The following DLGAP5 variants were observed in gnomAD, a reference collection of about 807,000 sequenced individuals.
DLGAP5 encodes the protein disks large-associated protein 5.
DLGAP5 carries 90 observed loss-of-function variants against 99.6 expected under a neutral mutation model. The observed-to-expected ratio is 0.90, with a 90% confidence interval of 0.76 to 1.08. The LOEUF (loss-of-function observed/expected upper bound fraction) is 1.08, where lower values mean the gene tolerates loss of function less well. Among genes scored for constraint, DLGAP5 ranks in the 50% least tolerant of loss-of-function variants. The probability of loss-of-function intolerance (pLI) is 0.00; values close to 1 mark genes in which losing one functional copy is unlikely to be tolerated. For missense variants in DLGAP5, 1,036 were observed against 983.5 expected, an observed-to-expected ratio of 1.05 and a Z score of -0.71; for synonymous variants, 311 against 321.3, an observed-to-expected ratio of 0.97 and a Z score of 0.34.
intron 10 of DLGAP5, among the ~76,000 whole-genome samples, chr14:55,172,277 T>C (rs544808354): frequency 6.8e-6 from 1 of 146,142 alleles, no homozygotes; most frequent in East Asian, 2.0e-4. Flanking sequence ...CACTTGAGCC[T>C]AGGAGTTCCA....
chr14:55,188,202 A>G (rs1883491203), intron 2 of DLGAP5, among the ~76,000 whole-genome samples: 1 of 152,184 alleles, frequency 6.6e-6, no homozygotes, highest in Non-Finnish European at 1.5e-5. Context: ...TATGAACACA[A>G]CAAATAGGAG....
At chr14:55,180,593 G>C in intron 6 of DLGAP5, 63 bp downstream of exon 6, 1 of 1,591,006 alleles carries the variant, frequency 6.3e-7, no homozygotes, top group Non-Finnish European at 8.6e-7. Flanking sequence ...TTTTGAAACG[G>C]AACACAAAAA....
At chr14:55,161,746 A>T (rs1192379007) in intron 13 of DLGAP5, among the ~76,000 whole-genome samples, 2 of 150,044 alleles carry the variant, frequency 1.3e-5, no homozygotes, top group African/African-American at 4.9e-5. Flanking sequence ...GCAGTGGCTC[A>T]TGCCTGTAAT....
intron 11 of DLGAP5, 86 bp downstream of exon 11, chr14:55,170,616 T>C (rs1405873047): frequency 3.2e-5 from 37 of 1,155,818 alleles, no homozygotes; most frequent in Non-Finnish European, 1.1e-5. Context: ...ACAATAAAGT[T>C]AGGCAATGCT....
intron 7 of DLGAP5, among the ~76,000 whole-genome samples, 155 bp downstream of exon 7, chr14:55,179,474 A>G (rs1394643995): frequency 6.6e-6 from 1 of 152,246 alleles, no homozygotes; most frequent in Non-Finnish European, 1.5e-5. Flanking sequence ...AAATAACAAG[A>G]GTAAATCCTC....
At chr14:55,164,794 C>A (rs912106752) in intron 12 of DLGAP5, among the ~76,000 whole-genome samples, 4 of 151,580 alleles carry the variant, frequency 2.6e-5, no homozygotes, top group Non-Finnish European at 5.9e-5. Flanking sequence ...TGGTGGCATG[C>A]ACCTGTAATC....
intron 10 of DLGAP5, among the ~76,000 whole-genome samples, chr14:55,173,061 A>C (rs1020506814): frequency 1.2e-4 from 18 of 151,756 alleles, no homozygotes; most frequent in African/African-American, 3.1e-4. Context: ...AGATTGCTTA[A>C]TATTTCAATA....
chr14:55,161,408 A>ATTT lies in DLGAP5; in HGVS notation c.1653+1560_1653+1562dup, dbSNP rs551424574. Among the ~76,000 whole-genome samples the ATTT allele has an allele frequency of 2.7e-3, 312 of 115,918 alleles. 2 individuals are homozygous for ATTT. The highest frequency in any genetic ancestry group is 0.011 in the African/African-American group (298 of 28,118). The allele number at this position is 115,918 out of a possible 152,430, so 76.0% of individuals were successfully genotyped here. A position where few individuals can be genotyped will look rare whatever the true frequency, so the allele number is the denominator to read the frequency against. On this transcript the variant is annotated intron_variant, in intron 13 of 18. Transcript: ENST00000247191. Reference sequence around the variant, plus strand: ...ATGAGACTTTATTAGTAAAAAAAAAATTTTTTTTTTTTTTTTTTTTGAGAC... The same window carrying ATTT: ...ATGAGACTTTATTAGTAAAAAAAAAATTTTTTTTTTTTTTTTTTTTTTTGAGAC...
In DLGAP5 at chr14:55,190,569, G is replaced by T. The variant is rs535097076; in HGVS notation, c.-2+894C>A. On this transcript the variant is annotated intron_variant, in intron 1 of 18. Transcript: ENST00000247191. ...AACAAAAACAAAAAAAGGTAAGGGGGAGGCTCTGTGATAGACACACTATGG... is the reference window on the plus strand; with the variant it reads ...AACAAAAACAAAAAAAGGTAAGGGGTAGGCTCTGTGATAGACACACTATGG... 2.6e-5 allele frequency among the ~76,000 whole-genome samples: 4 copies of T among 152,272 alleles called. No homozygotes were observed. The South Asian group carries it at 8.3e-4, about 32-fold the overall frequency.
chr14:55,158,856 A>G, intron 13 of DLGAP5, 115 bp from the exon 14 acceptor site: 1 of 701,022 alleles, frequency 1.4e-6, no homozygotes, highest in Non-Finnish European at 2.3e-6. Flanking sequence ...AGTATACATA[A>G]AATATTTCAC....
intron 3 of DLGAP5, 87 bp downstream of exon 3, chr14:55,183,464 ATAATGAGAC>A (rs139535554): frequency 0.079 from 83,530 of 1,060,858 alleles, 3,421 homozygotes; most frequent in Non-Finnish European, 0.09. Context: ...CAACCAGTTA[ATAATGAGAC>A]TAAGGGAAAG....
intron 15 of DLGAP5, 27 bp downstream of exon 15, chr14:55,154,590 A>G: frequency 2.6e-6 from 4 of 1,566,602 alleles, no homozygotes; most frequent in Non-Finnish European, 3.5e-6. Flanking sequence ...CAACTGTTAA[A>G]CTCTTATTAA....
In DLGAP5 at chr14:55,158,630, G is replaced by A; in HGVS notation, c.1765C>T (p.Gln589Ter). Residue 589 changes from glutamine to a stop codon, truncating the protein, a stop_gained, in exon 14 of 19, where the codon CAG becomes TAG. Transcript: ENST00000247191. LOFTEE classifies it high-confidence loss of function. ...ACTGCTGTTTCAGCACATTCTTCCT[G>A]CCTAATTCTCTCTCTCATTGCATTT... is the stretch of plus-strand genomic sequence containing the variant. ...IKNAMRERIRQEECAETAVSV... is the reference protein window; with the variant it reads ...IKNAMRERIR The A allele has an allele frequency of 1.2e-6, 2 of 1,613,944 alleles. No individual in the cohort carries two copies. The highest frequency in any genetic ancestry group is 8.5e-7 in the Non-Finnish European group (1 of 1,179,924).
chr14:55,156,795 T>C (rs895215185), intron 14 of DLGAP5, among the ~76,000 whole-genome samples: 70 of 152,192 alleles, frequency 4.6e-4, no homozygotes, highest in Non-Finnish European at 1.0e-3. Context: ...ATTAATATCC[T>C]TGGAAAGATA....
At chr14:55,168,733 A>G (rs1224056288) in intron 12 of DLGAP5, among the ~76,000 whole-genome samples, 1 of 152,200 alleles carries the variant, frequency 6.6e-6, no homozygotes, top group Non-Finnish European at 1.5e-5. Flanking sequence ...TCCTAACACA[A>G]TAAGAGATTA....
At chr14:55,184,110 G>C (rs555998058) in intron 2 of DLGAP5, among the ~76,000 whole-genome samples, 1 of 151,766 alleles carries the variant, frequency 6.6e-6, no homozygotes, top group Admixed American at 6.6e-5. Flanking sequence ...CCAAGATTGC[G>C]CCCCTGCACT....
At chr14:55,184,267 G>C (rs150171752) in intron 2 of DLGAP5, among the ~76,000 whole-genome samples, 19 of 152,188 alleles carry the variant, frequency 1.2e-4, no homozygotes, top group African/African-American at 4.6e-4. Context: ...AGTTCAGCTT[G>C]AGTAACAAAG....
At chr14:55,163,879 T>C (rs1882537551) in intron 12 of DLGAP5, among the ~76,000 whole-genome samples, 1 of 152,224 alleles carries the variant, frequency 6.6e-6, no homozygotes, top group South Asian at 2.1e-4. Flanking sequence ...GGTTGTTCGT[T>C]TCCTTCTTGC....
intron 16 of DLGAP5, 121 bp downstream of exon 16, chr14:55,152,469 T>C (rs1882052310): frequency 3.0e-6 from 2 of 675,608 alleles, no homozygotes; most frequent in Non-Finnish European, 4.5e-6. Flanking sequence ...AGAACTACAA[T>C]TCTACATGAC....
Sources: allele counts gnomAD v4.1 joint callset (sites outside exome capture counted in the v4.1 genomes callset), GRCh38; gene constraint gnomAD v4.1.1; transcripts MANE v1.5; gene names NCBI Gene and HGNC (gene_info 2026-07-23, HGNC 2026-07-21).